The following PADI6 variants were observed in gnomAD, a reference collection of about 807,000 sequenced individuals.
PADI6 encodes the protein inactive protein-arginine deiminase type-6.
PADI6 carries 66 observed loss-of-function variants against 78.2 expected under a neutral mutation model. The ratio of observed to expected loss-of-function variants is 0.84; its 90% CI spans 0.69 to 1.04. The LOEUF (loss-of-function observed/expected upper bound fraction) is 1.04, where lower values mean the gene tolerates loss of function less well. Among genes scored for constraint, PADI6 ranks in the 50% least tolerant of loss-of-function variants. PADI6 has a pLI of 0.00. For missense variants in PADI6, 854 were observed against 866.1 expected (o/e 0.99, Z 0.18); for synonymous variants, 397 against 346.9 (o/e 1.14, Z -1.60).
Position 17,398,759 on chromosome 1 carries a change from C to T in PADI6, c.1763C>T (p.Pro588Leu). 1 of 1,609,244 alleles carries T rather than the reference C, an allele frequency of 6.2e-7. No homozygotes were observed. Among genetic ancestry groups the T allele is most frequent in the Non-Finnish European group, 8.5e-7 (1 of 1,178,642 alleles). The part of the protein sequence containing the change: ...GLVEQDIIEI[P>L]QLFCLEKLTN... ...GTGGAACAGGACATCATCGAGATTC[C>T]CCAGCTGTTCTGCTTGGAGAAGCTG... Residue 588 changes from proline (P) to leucine (L), a missense_variant, in exon 15 of 16, where the codon CCC becomes CTC. Physicochemically the swap from Pro to Leu is moderately conservative, Grantham distance 98. Transcript: ENST00000619609.
rs1179374322 is a variant in PADI6, at chr1:17,401,259, C to A, written c.1906C>A (p.Gln636Lys). ...NLGIPKPFGP[Q>K]IKGTCCLEEK... ...GGGGATCCCCAAGCCTTTTGGGCCC[C>A]AAATCAAGGGGACCTGCTGCCTGGA... The change falls in exon 16 of 16, where the codon CAA becomes AAA. Residue 636 changes from glutamine (Q) to lysine (K), a missense_variant. By Grantham distance (53) the Gln-to-Lys change is moderately conservative. Transcript: ENST00000619609. The A allele has an allele frequency of 3.1e-6, 5 of 1,613,930 alleles. No individual in the cohort carries two copies. In the African/African-American group the frequency reaches 5.3e-5, roughly 17 times the overall value.
chr1:17,380,342 T>C (rs1396768506), intron 4 of PADI6, among the ~76,000 whole-genome samples: 1 of 152,120 alleles, frequency 6.6e-6, no homozygotes, highest in Non-Finnish European at 1.5e-5. Context: ...CCTGAGCAGC[T>C]GGGGTTACAA....
intron 9 of PADI6, 84 bp from the exon 10 acceptor site, chr1:17,393,891 G>C: frequency 1.6e-6 from 2 of 1,234,152 alleles, no homozygotes; most frequent in South Asian, 2.5e-5. Flanking sequence ...CAGGAAGGAA[G>C]GGGGTTCTTA....
At position 17,379,999 on chromosome 1, in the gene PADI6, A is replaced by G; in HGVS notation, c.435+12A>G. On this transcript the variant is annotated intron_variant, in intron 4 of 15. Coordinates refer to ENST00000619609, the MANE Select transcript of PADI6 (RefSeq NM_207421.4). ...ACAAACAGGCTAAGGTGAGTCTGCC[A>G]GCAAAAGGGGGCAGGGAAGGGGCCC... 2 of 1,613,208 alleles carry G rather than the reference A, an allele frequency of 1.2e-6. No individual in the cohort carries two copies. Among genetic ancestry groups the G allele is most frequent in the African/African-American group, 1.3e-5 (1 of 75,050 alleles).
chr1:17,399,755 G>A (rs1017346471), intron 15 of PADI6, among the ~76,000 whole-genome samples: 1 of 150,658 alleles, frequency 6.6e-6, no homozygotes, highest in African/African-American at 2.4e-5. Flanking sequence ...AAAATGCTGG[G>A]GCCAGGGTGC....
intron 8 of PADI6, among the ~76,000 whole-genome samples, chr1:17,391,420 A>G (rs1253450047): frequency 2.0e-5 from 3 of 152,084 alleles, no homozygotes; most frequent in Admixed American, 6.5e-5. Flanking sequence ...GGGTTTCACC[A>G]TGTTGGCCAG....
chr1:17,379,406 G>A lies in PADI6; in HGVS notation c.368-514G>A, dbSNP rs182369890. Among the ~76,000 whole-genome samples the A allele has an allele frequency of 1.7e-4, 24 of 144,060 alleles. No individual in the cohort carries two copies. The East Asian group carries it at 3.7e-3, about 22-fold the overall frequency. The allele number at this position is 144,060 out of a possible 152,430, so 94.5% of individuals were successfully genotyped here. A position where few individuals can be genotyped will look rare whatever the true frequency, so the allele number is the denominator to read the frequency against. On this transcript the variant is annotated intron_variant, in intron 3 of 15. Coordinates refer to ENST00000619609, the MANE Select transcript of PADI6 (RefSeq NM_207421.4). ...TGGGATTACAGGCGTGAGCCATCGC[G>A]CCCGGCCGCCCAGTTAATTTTTGTA...
In PADI6 at chr1:17,373,006, G is replaced by A. The variant is rs112517368; in HGVS notation, c.117-50G>A. The A allele has an allele frequency of 3.1e-4, 481 of 1,563,762 alleles. 1 individual carries two copies. The African/African-American group carries it at 6.5e-3, about 21-fold the overall frequency. Reference sequence around the variant, plus strand: ...CTCCCCCATGCCAGTCATCTCCTAGGCTGAGAAGGTGTTTGTGCCCTGACG... The same window carrying A: ...CTCCCCCATGCCAGTCATCTCCTAGACTGAGAAGGTGTTTGTGCCCTGACG... On this transcript the variant is annotated intron_variant, in intron 1 of 15. Transcript: ENST00000619609.
intron 9 of PADI6, among the ~76,000 whole-genome samples, chr1:17,392,454 G>A (rs2075196100): frequency 6.6e-6 from 1 of 152,174 alleles, no homozygotes; most frequent in Admixed American, 6.5e-5. Context: ...ATGGACACGT[G>A]TTCAAGACCA....
At chr1:17,380,910 G>C (rs2075066513) in intron 4 of PADI6, 137 bp from the exon 5 acceptor site, 2 of 627,936 alleles carry the variant, frequency 3.2e-6, no homozygotes, top group Non-Finnish European at 5.3e-6. Context: ...ACAGATTCTT[G>C]ACCTCACCAG....
chr1:17,377,091 C>A (rs533044584), intron 3 of PADI6, among the ~76,000 whole-genome samples: 36 of 152,150 alleles, frequency 2.4e-4, no homozygotes, highest in Non-Finnish European at 4.4e-4. Flanking sequence ...CCTCCCACCT[C>A]AATCTCCAGA....
intron 3 of PADI6, among the ~76,000 whole-genome samples, chr1:17,378,085 C>T (rs775741103): frequency 8.5e-5 from 13 of 152,176 alleles, no homozygotes; most frequent in Non-Finnish European, 1.8e-4. Flanking sequence ...CCCCTAATGG[C>T]TCTTACCCTA....
At chr1:17,395,407 T>C (rs762133871) in intron 12 of PADI6, 133 bp from the exon 13 acceptor site, 199 of 1,175,604 alleles carry the variant, frequency 1.7e-4, no homozygotes, top group Middle Eastern at 1.5e-3. Context: ...TTTCACCATG[T>C]TGGCCAGGCT....
intron 15 of PADI6, among the ~76,000 whole-genome samples, chr1:17,399,054 C>T (rs1257375376): frequency 1.3e-5 from 2 of 152,234 alleles, no homozygotes; most frequent in East Asian, 1.9e-4. Flanking sequence ...TGGAGGTTCC[C>T]CAGGCAGTTA....
In PADI6 at chr1:17,392,230, C is replaced by T. The variant is rs2075193492; in HGVS notation, c.1074+5C>T. ...CGCCTGGGCAGGTGGCTCCAGGTAA[C>T]ACCCCACCTGGGAACCCACCTGTCG... On this transcript the variant is annotated splice_donor_5th_base_variant and intron_variant, in intron 9 of 15. Coordinates refer to ENST00000619609, the MANE Select transcript of PADI6 (RefSeq NM_207421.4). 1 of 1,549,660 alleles carries T rather than the reference C, an allele frequency of 6.5e-7. No homozygotes were observed. The highest frequency in any genetic ancestry group is 1.4e-5 in the African/African-American group (1 of 73,182).
At chr1:17,393,871 C>A (rs2075217080) in intron 9 of PADI6, 104 bp from the exon 10 acceptor site, 5 of 948,432 alleles carry the variant, frequency 5.3e-6, no homozygotes, top group African/African-American at 1.6e-5. Flanking sequence ...GAGGGTTGAG[C>A]AGGAGTTGGC....
intron 6 of PADI6, among the ~76,000 whole-genome samples, chr1:17,384,727 C>T (rs181526094): frequency 2.6e-5 from 4 of 152,338 alleles, no homozygotes; most frequent in Admixed American, 2.6e-4. Flanking sequence ...CAAAGTAAGG[C>T]AGTGGCCAAC....
At chr1:17,398,929 G>T in intron 15 of PADI6, 82 bp downstream of exon 15, 1 of 1,424,438 alleles carries the variant, frequency 7.0e-7, no homozygotes, top group Non-Finnish European at 9.7e-7. Flanking sequence ...CTGGACTGCA[G>T]ATATGGTGGA....
At chr1:17,386,133 A>G (rs149300364) in intron 6 of PADI6, among the ~76,000 whole-genome samples, 394 of 152,228 alleles carry the variant, frequency 2.6e-3, no homozygotes, top group African/African-American at 9.1e-3. Context: ...CCTTCCAGGT[A>G]GAGGCAGCTA....
Sources: allele counts gnomAD v4.1 joint callset (sites outside exome capture counted in the v4.1 genomes callset), GRCh38; gene constraint gnomAD v4.1.1; transcripts MANE v1.5; gene names NCBI Gene and HGNC (gene_info 2026-07-23, HGNC 2026-07-21).